FHIT: variants seen among roughly 807,000 people sequenced by gnomAD.
FHIT encodes fragile histidine triad diadenosine triphosphatase.
In FHIT, 19 loss-of-function variants were observed where a neutral mutation model predicts 17.9. That is an observed-to-expected ratio of 1.06 (90% CI 0.74 to 1.56). FHIT has a LOEUF of 1.56. Among genes scored for constraint, FHIT ranks in the 40% most tolerant of loss-of-function variants. FHIT has a pLI of 0.00. For synonymous variants in FHIT, 81 were observed against 69.7 expected (o/e 1.16, Z -0.81); for missense variants, 248 against 189.2 (o/e 1.31, Z -1.82).
chr3:60,214,488 G>T (rs998919821), intron 5 of FHIT, among the ~76,000 whole-genome samples: 3 of 152,136 alleles, frequency 2.0e-5, no homozygotes, highest in African/African-American at 7.2e-5. Context: ...GAGCCTCCCT[G>T]AACTGTCAAA....
intron 3 of FHIT, among the ~76,000 whole-genome samples, chr3:61,026,069 T>C (rs1364758889): frequency 6.6e-6 from 1 of 152,180 alleles, no homozygotes; most frequent in Non-Finnish European, 1.5e-5. Flanking sequence ...ATTTTTATCT[T>C]TACATCTATA....
In FHIT at chr3:60,883,621, G is replaced by C. The variant is rs147858959; in HGVS notation, c.-110-61610C>G. 6.2e-4 allele frequency among the ~76,000 whole-genome samples: 94 copies of C among 152,186 alleles called. No individual in the cohort carries two copies. The East Asian group carries it at 0.014, about 23-fold the overall frequency. ...AAAAACATTGAGTGTGCAAAGGACAGTCTATTCATAAATGATGCTGGGAAA... is the reference window on the plus strand; with the variant it reads ...AAAAACATTGAGTGTGCAAAGGACACTCTATTCATAAATGATGCTGGGAAA... On this transcript the variant is annotated intron_variant, in intron 3 of 9. Transcript: ENST00000492590.
chr3:60,479,138 C>T (rs1194992457), intron 5 of FHIT, among the ~76,000 whole-genome samples: 1 of 152,188 alleles, frequency 6.6e-6, no homozygotes, highest in African/African-American at 2.4e-5. Flanking sequence ...GTGCCTTTCT[C>T]TGCAAGTATG....
At chr3:60,217,453 T>C (rs1703747135) in intron 5 of FHIT, among the ~76,000 whole-genome samples, 1 of 152,200 alleles carries the variant, frequency 6.6e-6, no homozygotes, top group Admixed American at 6.5e-5. Flanking sequence ...CTTAAACTGT[T>C]TTCCTATATC....
rs544781235 is a variant in FHIT at position 61,003,885 on chromosome 3, A to G, written c.-111+38162T>C. Among the ~76,000 whole-genome samples, 8 of 152,388 alleles carry G rather than the reference A, an allele frequency of 5.2e-5. No individual in the cohort carries two copies. The South Asian group carries it at 1.7e-3, about 32-fold the overall frequency. On this transcript the variant is annotated intron_variant, in intron 3 of 9. Coordinates refer to ENST00000492590, the MANE Select transcript of FHIT (RefSeq NM_002012.4). ...TCTGTAATATTTACAGATATAACAC[A>G]TCAGCAATACATCAGTTTGGTTTTT...
intron 1 of FHIT, among the ~76,000 whole-genome samples, chr3:61,249,313 TA>T (rs1576294975): frequency 6.6e-6 from 1 of 152,198 alleles, no homozygotes; most frequent in East Asian, 1.9e-4. Context: ...ATCTCTAAAA[TA>T]AAGGTATTCT....
chr3:60,993,911 G>A (rs1031089094), intron 3 of FHIT, among the ~76,000 whole-genome samples: 1 of 152,122 alleles, frequency 6.6e-6, no homozygotes, highest in African/African-American at 2.4e-5. Context: ...GGCTGCCAGT[G>A]ACAGTAGCCA....
chr3:59,846,469 T>G (rs1364243996), intron 8 of FHIT, among the ~76,000 whole-genome samples: 2 of 152,134 alleles, frequency 1.3e-5, no homozygotes, highest in Non-Finnish European at 2.9e-5. Flanking sequence ...CTAATAATTT[T>G]TATCCATTAG....
intron 5 of FHIT, among the ~76,000 whole-genome samples, chr3:60,348,959 A>G (rs1378052432): frequency 6.6e-6 from 1 of 152,192 alleles, no homozygotes; most frequent in Non-Finnish European, 1.5e-5. Flanking sequence ...GAACTTAGCC[A>G]ACCTCAGCAC....
intron 5 of FHIT, among the ~76,000 whole-genome samples, chr3:60,063,594 T>C (rs549611388): frequency 6.6e-6 from 1 of 152,290 alleles, no homozygotes; most frequent in African/African-American, 2.4e-5. Context: ...CAAATTAAAT[T>C]AAAAGAAAGG....
intron 4 of FHIT, among the ~76,000 whole-genome samples, chr3:60,815,168 A>C (rs1021586224): frequency 4.6e-5 from 7 of 151,622 alleles, no homozygotes; most frequent in African/African-American, 1.7e-4. Context: ...GTAATTTGTG[A>C]ATATTTTCTG....
At chr3:61,214,048 A>C (rs981712241) in intron 1 of FHIT, among the ~76,000 whole-genome samples, 1 of 152,244 alleles carries the variant, frequency 6.6e-6, no homozygotes, top group Non-Finnish European at 1.5e-5. Flanking sequence ...CCCACAAAAG[A>C]AAGCAGGAAA....
chr3:60,641,604 C>T (rs1185684089), intron 4 of FHIT, among the ~76,000 whole-genome samples: 1 of 152,126 alleles, frequency 6.6e-6, no homozygotes, highest in Non-Finnish European at 1.5e-5. Flanking sequence ...AAACAGTGTC[C>T]TTCGTTTCTC....
chr3:60,472,276 C>T (rs186822254), intron 5 of FHIT, among the ~76,000 whole-genome samples: 64 of 151,934 alleles, frequency 4.2e-4, no homozygotes, highest in African/African-American at 1.4e-3. Context: ...TTTATTACTT[C>T]GAACTGTATG....
intron 5 of FHIT, among the ~76,000 whole-genome samples, chr3:60,040,349 TTGG>T (rs1701386996): frequency 6.6e-6 from 1 of 152,106 alleles, no homozygotes; most frequent in Admixed American, 6.5e-5. Context: ...TTTCACCATG[TTGG>T]TCAGGATGGT....
intron 5 of FHIT, among the ~76,000 whole-genome samples, chr3:60,043,917 A>T (rs1170706869): frequency 1.3e-5 from 2 of 152,230 alleles, no homozygotes; most frequent in Non-Finnish European, 2.9e-5. Context: ...TATGTCTTCA[A>T]AATAATAAAA....
intron 5 of FHIT, among the ~76,000 whole-genome samples, chr3:60,366,870 C>G (rs1490323684): frequency 6.6e-6 from 1 of 152,200 alleles, no homozygotes; most frequent in African/African-American, 2.4e-5. Context: ...AAGGGACTAG[C>G]TGAGGCTCTG....
intron 4 of FHIT, among the ~76,000 whole-genome samples, chr3:60,750,595 G>C (rs2042446288): frequency 6.6e-6 from 1 of 152,108 alleles, no homozygotes; most frequent in Non-Finnish European, 1.5e-5. Flanking sequence ...GATGTGACTT[G>C]CTCCTCCTTG....
intron 5 of FHIT, among the ~76,000 whole-genome samples, chr3:60,427,740 CTCTCT>C (rs1338552514): frequency 6.6e-6 from 1 of 152,086 alleles, no homozygotes; most frequent in Admixed American, 6.6e-5. Flanking sequence ...GACTGCTCTT[CTCTCT>C]TAAGTCATGT....
Sources: allele counts gnomAD v4.1 joint callset (sites outside exome capture counted in the v4.1 genomes callset), GRCh38; gene constraint gnomAD v4.1.1; transcripts MANE v1.5; gene names NCBI Gene and HGNC (gene_info 2026-07-23, HGNC 2026-07-21).